Variants in SPECC1 observed in about 807,000 individuals in gnomAD.
The protein encoded by SPECC1 is sperm antigen with calponin homology and coiled-coil domains 1.
A neutral mutation model predicts 104.1 loss-of-function variants in SPECC1; 62 were observed. The observed-to-expected ratio is 0.60, with a 90% CI of 0.49 to 0.74. The LOEUF (loss-of-function observed/expected upper bound fraction) is 0.74, where lower values mean the gene tolerates loss of function less well. Among genes scored for constraint, SPECC1 ranks in the 30% least tolerant of loss-of-function variants. SPECC1 has a pLI of 0.00. For missense variants in SPECC1, 1,306 were observed against 1,310.5 expected (o/e 1.00, Z 0.05); for synonymous variants, 513 against 501.6 (o/e 1.02, Z -0.30).
intron 2 of SPECC1, among the ~76,000 whole-genome samples, chr17:20,099,935 C>G (rs2542885): frequency 2.0e-5 from 3 of 152,024 alleles, no homozygotes; most frequent in African/African-American, 7.2e-5. Flanking sequence ...CATGGATGCT[C>G]AAGTCCCTGA....
intron 4 of SPECC1, among the ~76,000 whole-genome samples, chr17:20,211,285 A>C (rs1345246270): frequency 6.6e-6 from 1 of 152,024 alleles, no homozygotes; most frequent in Non-Finnish European, 1.5e-5. Flanking sequence ...CCAAATATCA[A>C]CTCTGGTGAG....
intron 2 of SPECC1, among the ~76,000 whole-genome samples, chr17:20,109,416 C>T (rs1400069508): frequency 6.6e-6 from 1 of 152,224 alleles, no homozygotes; most frequent in Non-Finnish European, 1.5e-5. Flanking sequence ...GAAGACCCAA[C>T]AGTAGTTGAG....
At chr17:20,044,285 T>G (rs1159909738) in intron 1 of SPECC1, among the ~76,000 whole-genome samples, 1 of 152,210 alleles carries the variant, frequency 6.6e-6, no homozygotes, top group Non-Finnish European at 1.5e-5. Context: ...GATCTGAGGC[T>G]GTTCTTACGA....
chr17:20,150,130 G>A (rs1436498357), intron 3 of SPECC1, among the ~76,000 whole-genome samples: 2 of 151,238 alleles, frequency 1.3e-5, no homozygotes, highest in Non-Finnish European at 2.9e-5. Flanking sequence ...CCGCCACCAC[G>A]CCCGGCTAAT....
chr17:20,227,882 A>C (rs541396072), intron 5 of SPECC1, among the ~76,000 whole-genome samples: 2 of 152,260 alleles, frequency 1.3e-5, no homozygotes, highest in African/African-American at 4.8e-5. Context: ...GCCACTGCAA[A>C]AGAAAGCAAA....
At chr17:20,058,831 A>C (rs983771155) in intron 1 of SPECC1, among the ~76,000 whole-genome samples, 7 of 106,618 alleles carry the variant, frequency 6.6e-5, no homozygotes, top group Admixed American at 1.9e-4. Context: ...TGTTCACTTT[A>C]TTTCTTTTTT....
At chr17:20,122,450 G>A (rs1160928215) in intron 3 of SPECC1, among the ~76,000 whole-genome samples, 1 of 152,160 alleles carries the variant, frequency 6.6e-6, no homozygotes, top group Non-Finnish European at 1.5e-5. Flanking sequence ...TTCTGAAGGG[G>A]AGAGCCAGCT....
intron 1 of SPECC1, 118 bp from the exon 2 acceptor site, chr17:20,096,513 A>C: frequency 8.6e-7 from 1 of 1,166,590 alleles, no homozygotes; most frequent in Non-Finnish European, 1.2e-6. Flanking sequence ...GCCAAATCAT[A>C]GGTGCTCCTA....
intron 1 of SPECC1, among the ~76,000 whole-genome samples, chr17:20,048,952 A>G (rs2045642392): frequency 6.6e-6 from 1 of 152,188 alleles, no homozygotes; most frequent in Admixed American, 6.5e-5. Flanking sequence ...GTGAAAAATA[A>G]TATATTACAG....
chr17:20,039,774 CTGG>C (rs961199729), intron 1 of SPECC1, among the ~76,000 whole-genome samples: 2 of 152,080 alleles, frequency 1.3e-5, no homozygotes, highest in Non-Finnish European at 2.9e-5. Flanking sequence ...CCAGGCTGGT[CTGG>C]AACTCCTGAC....
intron 3 of SPECC1, among the ~76,000 whole-genome samples, chr17:20,158,540 G>C (rs1047501735): frequency 6.6e-6 from 1 of 152,196 alleles, no homozygotes; most frequent in Non-Finnish European, 1.5e-5. Context: ...ACTTGATGGG[G>C]GAGCTCCCTA....
At chr17:20,089,108 A>G (rs566520532) in intron 1 of SPECC1, among the ~76,000 whole-genome samples, 1 of 152,290 alleles carries the variant, frequency 6.6e-6, no homozygotes, top group East Asian at 1.9e-4. Flanking sequence ...ACGGTGTGTA[A>G]GGGGAGCAGT....
chr17:20,253,801 C>G (rs933137615), intron 10 of SPECC1, among the ~76,000 whole-genome samples: 1 of 152,094 alleles, frequency 6.6e-6, no homozygotes, highest in Non-Finnish European at 1.5e-5. Context: ...TTCTCAGTGC[C>G]CTTGTGCTGG....
chr17:20,302,296 C>G (rs1041192189), intron 13 of SPECC1, among the ~76,000 whole-genome samples: 1 of 152,182 alleles, frequency 6.6e-6, no homozygotes, highest in Non-Finnish European at 1.5e-5. Flanking sequence ...GGTCCCAGGC[C>G]TGCACCATCA....
intron 3 of SPECC1, among the ~76,000 whole-genome samples, chr17:20,120,429 TG>T (rs1254321611): frequency 6.6e-6 from 1 of 152,068 alleles, no homozygotes; most frequent in East Asian, 1.9e-4. Flanking sequence ...TTATTTAGTG[TG>T]TTAGAAATTA....
chr17:20,151,700 C>A (rs2032020439), intron 3 of SPECC1, among the ~76,000 whole-genome samples: 2 of 152,170 alleles, frequency 1.3e-5, no homozygotes, highest in African/African-American at 2.4e-5. Context: ...GTTGGTTTTT[C>A]ATTTGCCCAG....
chr17:20,082,096 T>C (rs1371491136), intron 1 of SPECC1, among the ~76,000 whole-genome samples: 2 of 152,186 alleles, frequency 1.3e-5, no homozygotes, highest in Non-Finnish European at 2.9e-5. Flanking sequence ...TCCAGTGCCA[T>C]TTTGCACAAC....
chr17:20,203,555 A>G (rs929022150), intron 3 of SPECC1, among the ~76,000 whole-genome samples: 1 of 152,274 alleles, frequency 6.6e-6, no homozygotes, highest in Non-Finnish European at 1.5e-5. Flanking sequence ...AAATGAGTAC[A>G]TCATTTCCAC....
At chr17:20,064,015 G>GAGTT (rs1362915385) in intron 1 of SPECC1, among the ~76,000 whole-genome samples, 6 of 152,236 alleles carry the variant, frequency 3.9e-5, no homozygotes, top group African/African-American at 9.7e-5. Context: ...AAAGAAAAAT[G>GAGTT]AGTTGGCAGT....
Sources: gnomAD v4.1 joint callset for allele counts (sites outside exome capture counted in the v4.1 genomes callset) on GRCh38, gnomAD v4.1.1 for gene constraint, MANE v1.5 for transcripts, NCBI Gene and HGNC (gene_info 2026-07-23, HGNC 2026-07-21) for gene names.